The following PROSER1 variants were observed in gnomAD, a reference collection of about 807,000 sequenced individuals.
The protein encoded by PROSER1 is proline and serine-rich protein 1.
PROSER1 carries 36 observed loss-of-function variants against 71.8 expected under a neutral mutation model. That is an observed-to-expected ratio of 0.50 (90% CI 0.38 to 0.66). The LOEUF is 0.66. PROSER1 is among the 30% of genes least tolerant of loss of function. The pLI is 0.00. For missense variants in PROSER1, 1,107 were observed against 1,135.0 expected (o/e 0.98, Z 0.35); for synonymous variants, 490 against 452.4 (o/e 1.08, Z -1.06).
chr13:39,011,024 A>G lies in PROSER1; in HGVS notation c.*341T>C, dbSNP rs1566219036. 9.4e-6 allele frequency: 2 copies of G among 212,284 alleles called. No individual in the cohort carries two copies. The highest frequency in any genetic ancestry group is 7.3e-5 in the South Asian group (1 of 13,720). The allele number at this position is 212,284 out of a possible 1,614,324, so 13.2% of individuals were successfully genotyped here. A position where few individuals can be genotyped will look rare whatever the true frequency, so the allele number is the denominator to read the frequency against. ...TTCTGCCAGTGGATGCTATACAAGCATATTTAAGGCTGTATTCGGCTATAA... is the reference window on the plus strand; with the variant it reads ...TTCTGCCAGTGGATGCTATACAAGCGTATTTAAGGCTGTATTCGGCTATAA... On this transcript the variant is annotated 3_prime_UTR_variant, in exon 13 of 13. Transcript: ENST00000352251.
At chr13:39,021,627 C>A (rs1870295844) in intron 9 of PROSER1, among the ~76,000 whole-genome samples, 1 of 152,136 alleles carries the variant, frequency 6.6e-6, no homozygotes, top group Admixed American at 6.5e-5. Context: ...TTTCAGGCTA[C>A]AGAGAAACCA....
rs769428993 is a variant in PROSER1, at chr13:39,022,427, C to G, written c.644-15G>C. On this transcript the variant is annotated splice_polypyrimidine_tract_variant and intron_variant, in intron 8 of 12. Coordinates refer to ENST00000352251, the MANE Select transcript of PROSER1 (RefSeq NM_025138.5). ...GTTATAAGCACCTAAAATAAAAACACAATAGAAAAAAATATACCTTAGGAC... is the reference window on the plus strand; with the variant it reads ...GTTATAAGCACCTAAAATAAAAACAGAATAGAAAAAAATATACCTTAGGAC... The G allele has an allele frequency of 1.3e-6, 2 of 1,583,766 alleles. No homozygotes were observed. Among genetic ancestry groups the G allele is most frequent in the South Asian group, 2.2e-5 (2 of 90,426 alleles).
intron 9 of PROSER1, 143 bp from the exon 10 acceptor site, chr13:39,017,687 A>G: frequency 1.8e-6 from 1 of 560,778 alleles, no homozygotes; most frequent in Non-Finnish European, 3.1e-6. Flanking sequence ...CATATGGGAA[A>G]ATAAATAAAA....
At chr13:39,036,548 A>G (rs1422048267) in intron 1 of PROSER1, among the ~76,000 whole-genome samples, 1 of 152,206 alleles carries the variant, frequency 6.6e-6, no homozygotes, top group East Asian at 1.9e-4. Flanking sequence ...AGATATTGTT[A>G]GGCTCAAGAC....
rs147416177 is a variant in PROSER1, at chr13:39,033,783, T to C, written c.111+348A>G. ...TGTTCACATTTTCTTTTATATTACA[T>C]GACGAATTTTGTAATTGTCTTACAT... is the stretch of plus-strand genomic sequence containing the variant. On this transcript the variant is annotated intron_variant, in intron 2 of 12. Coordinates refer to ENST00000352251, the MANE Select transcript of PROSER1 (RefSeq NM_025138.5). Among the ~76,000 whole-genome samples, 233 of 152,368 alleles carry C rather than the reference T, an allele frequency of 1.5e-3. 6 individuals carry two copies. The East Asian group carries it at 0.04, about 26-fold the overall frequency.
In PROSER1 at chr13:39,011,135, A is replaced by G. The variant is rs1869627648; in HGVS notation, c.*230T>C. On this transcript the variant is annotated 3_prime_UTR_variant, in exon 13 of 13. Transcript: ENST00000352251. ...TATAGGACAGGTGAAAAGTCTCCAA[A>G]CACTTTTTAAATACCATTCTCCATA... is the stretch of plus-strand genomic sequence containing the variant. 2.1e-6 allele frequency: 1 copy of G among 473,254 alleles called. No homozygotes were observed. Among genetic ancestry groups the G allele is most frequent in the East Asian group, 3.9e-5 (1 of 25,666 alleles). The allele number at this position is 473,254 out of a possible 1,614,324, so 29.3% of individuals were successfully genotyped here.
chr13:39,022,469 T>G, intron 8 of PROSER1, 57 bp from the exon 9 acceptor site: 1 of 1,176,560 alleles, frequency 8.5e-7, no homozygotes, highest in Non-Finnish European at 1.3e-6. Context: ...GTGACTGGTA[T>G]TGTTCTGTGA....
chr13:39,009,989 T>A lies in PROSER1; in HGVS notation c.*1376A>T, dbSNP rs1056990120. 1.6e-4 allele frequency: 24 copies of A among 152,770 alleles called. No individual in the cohort carries two copies. The highest frequency in any genetic ancestry group is 5.5e-4 in the African/African-American group (23 of 41,588). The allele number at this position is 152,770 out of a possible 1,614,324, so 9.5% of individuals were successfully genotyped here. On this transcript the variant is annotated 3_prime_UTR_variant, in exon 13 of 13. Coordinates refer to ENST00000352251, the MANE Select transcript of PROSER1 (RefSeq NM_025138.5). Reference sequence around the variant, plus strand: ...AAAGACATAAATCTGTCTGTTCATATGTTGGTTATGACTTTTACATTAAAA... The same window carrying A: ...AAAGACATAAATCTGTCTGTTCATAAGTTGGTTATGACTTTTACATTAAAA...
At position 39,017,540 on chromosome 13, in the gene PROSER1, A is replaced by G; in HGVS notation, c.735T>C (p.Asn245=). 1 of 1,478,386 alleles carries G rather than the reference A, an allele frequency of 6.8e-7. No individual in the cohort carries two copies. Among genetic ancestry groups the G allele is most frequent in the Non-Finnish European group, 9.3e-7 (1 of 1,073,978 alleles). The allele number at this position is 1,478,386 out of a possible 1,614,324, so 91.6% of individuals were successfully genotyped here. ...PYTPNPVGTE[N]EDLSNPSKPI... ...GTTTTGACGGATTCGAAAGGTCTTCATTCTCTATATAAAAATAAATAAAAG... is the reference window on the plus strand; with the variant it reads ...GTTTTGACGGATTCGAAAGGTCTTCGTTCTCTATATAAAAATAAATAAAAG... Residue 245 remains asparagine (N), a synonymous_variant, in exon 10 of 13, where the codon AAT becomes AAC. Coordinates refer to ENST00000352251, the MANE Select transcript of PROSER1 (RefSeq NM_025138.5).
chr13:39,028,169 G>A (rs1446801329), intron 5 of PROSER1, 58 bp downstream of exon 5: 11 of 882,564 alleles, frequency 1.2e-5, no homozygotes, highest in South Asian at 4.4e-5. Flanking sequence ...GTGCTTTTTC[G>A]TCTTCAATAT....
Position 39,037,414 on chromosome 13 carries a change from T to A in PROSER1, c.-172A>T, listed in dbSNP as rs533557279. 3.1e-5 allele frequency: 18 copies of A among 582,732 alleles called. No individual in the cohort carries two copies. The highest frequency in any genetic ancestry group is 1.1e-4 in the East Asian group (4 of 34,956). The allele number at this position is 582,732 out of a possible 1,614,324, so 36.1% of individuals were successfully genotyped here. On this transcript the variant is annotated 5_prime_UTR_variant, in exon 1 of 13. Transcript: ENST00000352251. ...AGTATTGCAAACTTCGCAAAAAAAA[T>A]TTCTAAAAATTGAGATTCAGAAAAA...
Position 39,013,194 on chromosome 13 carries a change from G to A in PROSER1, c.2058C>T (p.Ser686=), listed in dbSNP as rs377670665. 1 of 1,614,102 alleles carries A rather than the reference G, an allele frequency of 6.2e-7. No individual in the cohort carries two copies. The highest frequency in any genetic ancestry group is 8.5e-7 in the Non-Finnish European group (1 of 1,180,012). ...LSSISLPPHG[S]STPIAPVFTA... is the part of the protein sequence containing the mutation. Reference sequence around the variant, plus strand: ...TGAATACTGGTGCAATGGGAGTGGAGGAACCATGTGGTGGAAGGGAAATAG... The same window carrying A: ...TGAATACTGGTGCAATGGGAGTGGAAGAACCATGTGGTGGAAGGGAAATAG... Residue 686 remains serine, a synonymous_variant, in exon 11 of 13, where the codon TCC becomes TCT. Coordinates refer to ENST00000352251, the MANE Select transcript of PROSER1 (RefSeq NM_025138.5).
At position 39,012,948 on chromosome 13, in the gene PROSER1, A is replaced by G; in HGVS notation, c.2304T>C (p.Thr768=). The G allele has an allele frequency of 6.2e-7, 1 of 1,614,168 alleles. No homozygotes were observed. Among genetic ancestry groups the G allele is most frequent in the Non-Finnish European group, 8.5e-7 (1 of 1,180,024 alleles). The change falls in exon 11 of 13, where the codon ACT becomes ACC. Residue 768 remains threonine (T), a synonymous_variant. Coordinates refer to ENST00000352251, the MANE Select transcript of PROSER1 (RefSeq NM_025138.5). The stretch of plus-strand genomic sequence containing the variant: ...TAACAGAGAAAAGTGAGGGAACAGC[A>G]GTGGACAGGTTGAGGGGGAAAGGTG... ...SAAPFPLNLS[T]AVPSLFSVTQ...
At position 39,013,029 on chromosome 13, in the gene PROSER1, A is replaced by G. The variant is rs11147745; in HGVS notation, c.2223T>C (p.Pro741=). The change falls in exon 11 of 13, where the codon CCT becomes CCC. Residue 741 remains proline (P), a synonymous_variant. Coordinates refer to ENST00000352251, the MANE Select transcript of PROSER1 (RefSeq NM_025138.5). ...CTGAGAGAACAGCTGCCGTTGAGCT[A>G]GGATGAGGGAGAGATGTGGAGGTGG... ...TAATSTSLPH[P]SSTAAVLSGL... is the part of the protein sequence containing the mutation. 258,671 of 1,613,942 alleles carry G rather than the reference A, an allele frequency of 0.16. 23,042 individuals are homozygous for G. The highest frequency in any genetic ancestry group is 0.34 in the African/African-American group (25,498 of 74,950).
chr13:39,020,942 CA>C (rs1870260044), intron 9 of PROSER1, among the ~76,000 whole-genome samples: 1 of 152,126 alleles, frequency 6.6e-6, no homozygotes, highest in South Asian at 2.1e-4. Context: ...CAAATGGTGG[CA>C]TTCATTAAGT....
rs1283737226 is a variant in PROSER1 at position 39,010,952 on chromosome 13, T to G, written c.*413A>C. The G allele has an allele frequency of 1.2e-5, 2 of 171,880 alleles. No homozygotes were observed. The highest frequency in any genetic ancestry group is 2.9e-4 in the South Asian group (2 of 6,976). 10.6% of individuals were successfully genotyped at this position (171,880 alleles called of 1,614,324 possible). ...GCTCATGCATACCAAGGGTAGTAAC[T>G]CCCCCAGGGCCACATGCAACCCCCA... On this transcript the variant is annotated 3_prime_UTR_variant, in exon 13 of 13. Transcript: ENST00000352251.
At chr13:39,029,023 A>C in intron 4 of PROSER1, 1 of 270,518 alleles carries the variant, frequency 3.7e-6, no homozygotes. Context: ...CTGTCTTTTC[A>C]GAGTAGGAAG....
Position 39,037,898 on chromosome 13 carries a change from G to A in PROSER1, c.-656C>T, listed in dbSNP as rs1839020427. 6.6e-6 allele frequency: 1 copy of A among 152,508 alleles called. No individual in the cohort carries two copies. Among genetic ancestry groups the A allele is most frequent in the Admixed American group, 6.5e-5 (1 of 15,282 alleles). 9.4% of individuals were successfully genotyped at this position (152,508 alleles called of 1,614,324 possible). A position where few individuals can be genotyped will look rare whatever the true frequency, so the allele number is the denominator to read the frequency against. On this transcript the variant is annotated 5_prime_UTR_variant, in exon 1 of 13. Coordinates refer to ENST00000352251, the MANE Select transcript of PROSER1 (RefSeq NM_025138.5). ...CTTCCGGGAGCGGGCCGGCGGCTGG[G>A]GAGCACCAGGAGCCGGGCGAAGAGG... is the stretch of plus-strand genomic sequence containing the variant.
Position 39,011,284 on chromosome 13 carries a change from G to A in PROSER1, c.*81C>T. 7.0e-7 allele frequency: 1 copy of A among 1,437,652 alleles called. No individual in the cohort carries two copies. Among genetic ancestry groups the A allele is most frequent in the African/African-American group, 1.4e-5 (1 of 70,518 alleles). 89.1% of individuals were successfully genotyped at this position (1,437,652 alleles called of 1,614,324 possible). On this transcript the variant is annotated 3_prime_UTR_variant, in exon 13 of 13. Transcript: ENST00000352251. ...ATTCTCATTTTCCGACTTTTGGCCA[G>A]CTTCACATTTGTCAGATTGTTCATT...
Sources: allele counts gnomAD v4.1 joint callset (sites outside exome capture counted in the v4.1 genomes callset), GRCh38; gene constraint gnomAD v4.1.1; transcripts MANE v1.5; gene names NCBI Gene and HGNC (gene_info 2026-07-23, HGNC 2026-07-21).